Variants in PTPRD observed in about 807,000 individuals in gnomAD.
The protein encoded by PTPRD is protein tyrosine phosphatase receptor type D, also known as receptor-type tyrosine-protein phosphatase delta.
In PTPRD, 34 loss-of-function variants were observed where a neutral mutation model predicts 214.5. That is an observed-to-expected ratio of 0.16 (90% CI 0.12 to 0.21). The LOEUF (loss-of-function observed/expected upper bound fraction) is 0.21, where lower values mean the gene tolerates loss of function less well. Among genes scored for constraint, PTPRD ranks in the 10% least tolerant of loss-of-function variants. PTPRD has a pLI of 1.00. For synonymous variants in PTPRD, 1,128 were observed against 845.7 expected, an observed-to-expected ratio of 1.33 and a Z score of -5.79; for missense variants, 2,545 against 2,398.7, an observed-to-expected ratio of 1.06 and a Z score of -1.27.
chr9:9,911,025 C>G (rs982378019), intron 5 of PTPRD, among the ~76,000 whole-genome samples: 1 of 151,966 alleles, frequency 6.6e-6, no homozygotes, highest in African/African-American at 2.4e-5. Flanking sequence ...TGTCTTTTGG[C>G]TAACTCCTTA....
At chr9:10,548,202 T>C (rs1374674076) in intron 2 of PTPRD, among the ~76,000 whole-genome samples, 1 of 152,138 alleles carries the variant, frequency 6.6e-6, no homozygotes, top group Non-Finnish European at 1.5e-5. Context: ...AACTCATATA[T>C]TAATTGACTC....
At chr9:9,205,945 A>T (rs2099944621) in intron 9 of PTPRD, among the ~76,000 whole-genome samples, 1 of 152,202 alleles carries the variant, frequency 6.6e-6, no homozygotes, top group Non-Finnish European at 1.5e-5. Context: ...TGATACTGGG[A>T]TGTAGTGAGT....
intron 5 of PTPRD, among the ~76,000 whole-genome samples, chr9:9,933,508 A>G (rs1232976154): frequency 5.3e-4 from 80 of 151,898 alleles, no homozygotes; most frequent in South Asian, 4.1e-3. Context: ...TAAAGGGATC[A>G]ATTCAACAAG....
At chr9:10,361,694 G>A (rs10959074) in intron 2 of PTPRD, among the ~76,000 whole-genome samples, 62,041 of 151,862 alleles carry the variant, frequency 0.41, 16,176 homozygotes, top group Non-Finnish European at 0.59. Flanking sequence ...TTATATGATC[G>A]TTCATTAACT....
chr9:9,301,793 T>C (rs759299876), intron 9 of PTPRD, among the ~76,000 whole-genome samples: 3 of 151,926 alleles, frequency 2.0e-5, no homozygotes, highest in East Asian at 3.9e-4. Flanking sequence ...TAATGGGTCC[T>C]AAAAACTCTA....
chr9:8,408,825 C>A (rs796203201), intron 35 of PTPRD, among the ~76,000 whole-genome samples: 4 of 152,228 alleles, frequency 2.6e-5, no homozygotes, highest in African/African-American at 9.6e-5. Context: ...ATCTTCAACT[C>A]AAAGGCTTTG....
chr9:9,852,300 A>G, intron 5 of PTPRD, among the ~76,000 whole-genome samples: 1 of 152,158 alleles, frequency 6.6e-6, no homozygotes, highest in East Asian at 1.9e-4. Flanking sequence ...ATTTTGAATA[A>G]AAAATTCTGT....
chr9:8,524,675 A>G (rs1233939771), intron 18 of PTPRD: 2 of 578,572 alleles, frequency 3.5e-6, no homozygotes, highest in East Asian at 6.2e-5. Flanking sequence ...AAAAATAGAA[A>G]CCAAGATGTA....
chr9:10,585,258 A>AT (rs142368835), intron 2 of PTPRD, among the ~76,000 whole-genome samples: 1 of 151,924 alleles, frequency 6.6e-6, no homozygotes, highest in African/African-American at 2.4e-5. Context: ...GTAATAACTT[A>AT]TTTTTTGTGC....
chr9:10,005,985 C>T (rs200995641), intron 4 of PTPRD, among the ~76,000 whole-genome samples: 2 of 151,830 alleles, frequency 1.3e-5, no homozygotes, highest in East Asian at 3.9e-4. Flanking sequence ...ATGCTTATGA[C>T]ATAAGAACAA....
At chr9:10,344,237 T>C (rs1035404490) in intron 2 of PTPRD, among the ~76,000 whole-genome samples, 2 of 152,062 alleles carry the variant, frequency 1.3e-5, no homozygotes, top group East Asian at 1.9e-4. Flanking sequence ...AGTTTCATCT[T>C]TCTACATATG....
At chr9:9,897,418 A>G (rs1190299756) in intron 5 of PTPRD, among the ~76,000 whole-genome samples, 1 of 152,116 alleles carries the variant, frequency 6.6e-6, no homozygotes, top group African/African-American at 2.4e-5. Context: ...TAAAAAATAC[A>G]TATTTGAGGG....
intron 2 of PTPRD, among the ~76,000 whole-genome samples, chr9:10,539,341 T>C (rs1416412310): frequency 1.3e-5 from 2 of 152,082 alleles, no homozygotes; most frequent in African/African-American, 2.4e-5. Context: ...ACCGCCATCA[T>C]GCCGGGCTAA....
intron 9 of PTPRD, among the ~76,000 whole-genome samples, chr9:9,381,388 G>C (rs1266787553): frequency 7.3e-6 from 1 of 136,172 alleles, no homozygotes; most frequent in Non-Finnish European, 1.6e-5. Context: ...TTTTGACAGG[G>C]TCTTACTTTG....
chr9:8,379,066 G>C (rs2084140019), intron 37 of PTPRD, among the ~76,000 whole-genome samples: 1 of 152,124 alleles, frequency 6.6e-6, no homozygotes, highest in East Asian at 1.9e-4. Context: ...GAAGAAAAAA[G>C]TTGCTTTTGA....
At chr9:9,984,119 A>T (rs1010690128) in intron 4 of PTPRD, among the ~76,000 whole-genome samples, 27 of 152,172 alleles carry the variant, frequency 1.8e-4, no homozygotes, top group Non-Finnish European at 2.9e-4. Context: ...ATTACAAAAA[A>T]TTTTAAATAT....
intron 30 of PTPRD, among the ~76,000 whole-genome samples, chr9:8,479,387 A>C (rs946452536): frequency 6.6e-6 from 1 of 152,166 alleles, no homozygotes; most frequent in African/African-American, 2.4e-5. Flanking sequence ...AGAATCTTTT[A>C]TTCATTCCTA....
chr9:9,580,973 G>T (rs945271757), intron 7 of PTPRD, among the ~76,000 whole-genome samples: 9 of 152,042 alleles, frequency 5.9e-5, no homozygotes, highest in Non-Finnish European at 2.9e-5. Flanking sequence ...CCATTCTGTG[G>T]GTTGTGTGTT....
intron 2 of PTPRD, among the ~76,000 whole-genome samples, chr9:10,495,384 G>A (rs961809552): frequency 5.9e-5 from 9 of 151,804 alleles, no homozygotes; most frequent in African/African-American, 1.9e-4. Flanking sequence ...CAATTGTTCT[G>A]CTGTTAAGAG....
Sources: allele counts gnomAD v4.1 joint callset (sites outside exome capture counted in the v4.1 genomes callset), GRCh38; gene constraint gnomAD v4.1.1; transcripts MANE v1.5; gene names NCBI Gene and HGNC (gene_info 2026-07-23, HGNC 2026-07-21).